Variants in SV2C observed in about 807,000 individuals in gnomAD.
The protein encoded by SV2C is synaptic vesicle glycoprotein 2C, also known as solute carrier family 22 member B3.
In SV2C, 49 loss-of-function variants were observed where a neutral mutation model predicts 79.7. That is an observed-to-expected ratio of 0.61 (90% CI 0.49 to 0.78). The LOEUF (loss-of-function observed/expected upper bound fraction) is 0.78, where lower values mean the gene tolerates loss of function less well. Ranked by LOEUF, SV2C falls within the 30% of genes least tolerant of loss-of-function variation. The probability of loss-of-function intolerance (pLI) is 0.00; values close to 1 mark genes in which losing one functional copy is unlikely to be tolerated. For synonymous variants in SV2C, 334 were observed against 333.2 expected (o/e 1.00, Z -0.03); for missense variants, 833 against 912.9 (o/e 0.91, Z 1.13).
chr5:76,273,790 T>C (rs2112477725), intron 4 of SV2C, among the ~76,000 whole-genome samples: 1 of 152,336 alleles, frequency 6.6e-6, no homozygotes, highest in Non-Finnish European at 1.5e-5. Flanking sequence ...TATAATTGGC[T>C]CTCACTTCCT....
intron 9 of SV2C, among the ~76,000 whole-genome samples, chr5:76,296,780 T>G (rs926767689): frequency 6.6e-6 from 1 of 152,200 alleles, no homozygotes; most frequent in Non-Finnish European, 1.5e-5. Flanking sequence ...TTATGATCTA[T>G]GTAATGGAAA....
intron 2 of SV2C, among the ~76,000 whole-genome samples, chr5:76,174,991 T>G (rs4704283): frequency 0.7 from 106,971 of 152,132 alleles, 39,002 homozygotes; most frequent in East Asian, 0.97. Context: ...AGCCTGGCGG[T>G]CTAACTGACT....
At chr5:76,107,832 A>T (rs920221627) in intron 1 of SV2C, among the ~76,000 whole-genome samples, 21 of 152,182 alleles carry the variant, frequency 1.4e-4, no homozygotes, top group Non-Finnish European at 2.9e-5. Context: ...CAGCCTGGGC[A>T]ACAGATGAAG....
At chr5:75,873,377 T>C in the SV2C span, among the ~76,000 whole-genome samples, 2 of 148,956 alleles carry the variant, frequency 1.3e-5, no homozygotes, top group African/African-American at 5.0e-5. Flanking sequence ...AATAAATATG[T>C]CATCATTTTT....
At chr5:76,092,906 G>T (rs1420317514) in intron 1 of SV2C, among the ~76,000 whole-genome samples, 1 of 152,046 alleles carries the variant, frequency 6.6e-6, no homozygotes, top group African/African-American at 2.4e-5. Flanking sequence ...TCCAGCTGTG[G>T]AGTGCGTCTC....
chr5:76,034,430 C>A, the SV2C span, among the ~76,000 whole-genome samples: 2 of 152,120 alleles, frequency 1.3e-5, no homozygotes, highest in Non-Finnish European at 1.5e-5. Context: ...CCCATCAATA[C>A]CTAATTTATT....
At chr5:76,048,234 G>C in the SV2C span, among the ~76,000 whole-genome samples, 1 of 152,182 alleles carries the variant, frequency 6.6e-6, no homozygotes, top group African/African-American at 2.4e-5. Context: ...GCAAACTGGA[G>C]AATCAGGAAA....
chr5:75,899,687 T>C, the SV2C span, among the ~76,000 whole-genome samples: 1 of 152,140 alleles, frequency 6.6e-6, no homozygotes, highest in Admixed American at 6.5e-5. Flanking sequence ...CCCATTATTA[T>C]TGAATGGGAG....
the SV2C span, among the ~76,000 whole-genome samples, chr5:75,941,209 C>G: frequency 6.6e-6 from 1 of 152,158 alleles, no homozygotes; most frequent in East Asian, 1.9e-4. Context: ...TCTCCTCTTT[C>G]ATCATTACTT....
Position 76,182,022 on chromosome 5 carries a change from G to A in SV2C, c.581-12897G>A, listed in dbSNP as rs114458776. The stretch of plus-strand genomic sequence containing the variant: ...GCCTCCTACGTTAGACCTTCTCCAG[G>A]ACTGTTGTGTAGTCCTGAAAGAAAG... On this transcript the variant is annotated intron_variant, in intron 2 of 12. Coordinates refer to ENST00000502798, the MANE Select transcript of SV2C (RefSeq NM_014979.4). 4.4e-3 allele frequency among the ~76,000 whole-genome samples: 668 copies of A among 152,068 alleles called. 3 individuals carry two copies. The highest frequency in any genetic ancestry group is 0.015 in the African/African-American group (642 of 41,454).
the SV2C span, among the ~76,000 whole-genome samples, chr5:76,013,162 T>TG: frequency 2.6e-5 from 4 of 152,190 alleles, no homozygotes; most frequent in Admixed American, 2.6e-4. Flanking sequence ...GGTAGCTTGA[T>TG]GGGGATAGCA....
chr5:76,274,302 A>C (rs1163153148), intron 4 of SV2C, among the ~76,000 whole-genome samples: 1 of 152,184 alleles, frequency 6.6e-6, no homozygotes, highest in Non-Finnish European at 1.5e-5. Context: ...GTCAAGTGAA[A>C]ATCTTCAGAA....
the SV2C span, among the ~76,000 whole-genome samples, chr5:75,889,652 G>T: frequency 6.6e-6 from 1 of 152,018 alleles, no homozygotes; most frequent in Non-Finnish European, 1.5e-5. Flanking sequence ...CAATACAGTC[G>T]CATTCTGAGG....
intron 6 of SV2C, among the ~76,000 whole-genome samples, chr5:76,290,209 C>T (rs373545010): frequency 8.3e-4 from 126 of 152,256 alleles, no homozygotes; most frequent in African/African-American, 2.9e-3. Flanking sequence ...TTGCTAAGTA[C>T]AGACATCTTT....
At chr5:76,340,948 G>A (rs1170152189) in intron 12 of SV2C, among the ~76,000 whole-genome samples, 2 of 88,816 alleles carry the variant, frequency 2.3e-5, no homozygotes, top group Admixed American at 1.4e-4. Flanking sequence ...TTTTTTTTCC[G>A]AGATGGAGTT....
chr5:75,935,912 A>G, the SV2C span, among the ~76,000 whole-genome samples: 1 of 152,172 alleles, frequency 6.6e-6, no homozygotes, highest in African/African-American at 2.4e-5. Context: ...GTAATTTTAA[A>G]ACAGAAATAA....
At chr5:75,896,171 T>C in the SV2C span, among the ~76,000 whole-genome samples, 3 of 151,752 alleles carry the variant, frequency 2.0e-5, no homozygotes, top group Non-Finnish European at 4.4e-5. Flanking sequence ...CATTAACTTG[T>C]CATTCAGCAT....
the SV2C span, among the ~76,000 whole-genome samples, chr5:75,972,598 A>G: frequency 6.6e-6 from 1 of 152,178 alleles, no homozygotes; most frequent in Non-Finnish European, 1.5e-5. Context: ...ACTGGCCATC[A>G]GAGAAATGCA....
At chr5:75,900,349 T>C in the SV2C span, among the ~76,000 whole-genome samples, 477 of 152,264 alleles carry the variant, frequency 3.1e-3, 5 homozygotes, top group African/African-American at 0.011. Flanking sequence ...ATATGAAATT[T>C]TGGTTTGAAA....
Sources: gnomAD v4.1 joint callset for allele counts (sites outside exome capture counted in the v4.1 genomes callset) on GRCh38, gnomAD v4.1.1 for gene constraint, MANE v1.5 for transcripts, NCBI Gene and HGNC (gene_info 2026-07-23, HGNC 2026-07-21) for gene names.